The following CHI3L2 variants were observed in gnomAD, a reference collection of about 807,000 sequenced individuals.
CHI3L2 encodes chitinase 3 like 2, also known as chitinase-3-like protein 2.
A neutral mutation model predicts 47.3 loss-of-function variants in CHI3L2; 47 were observed. The observed-to-expected ratio is 0.99, with a 90% CI of 0.79 to 1.27. CHI3L2 has a LOEUF of 1.27. Among genes scored for constraint, CHI3L2 ranks in the 50% most tolerant of loss-of-function variants. The pLI is 0.00. For missense variants in CHI3L2, 497 were observed against 462.1 expected (o/e 1.08, Z -0.69); for synonymous variants, 198 against 169.9 (o/e 1.17, Z -1.28).
intron 1 of CHI3L2, 23 bp from the exon 2 acceptor site, chr1:111,229,827 TTC>T: frequency 6.2e-7 from 1 of 1,613,744 alleles, no homozygotes; most frequent in Non-Finnish European, 8.5e-7. Context: ...CTCAACAGAT[TTC>T]TCTTTCCACC....
At chr1:111,229,959 T>C in intron 2 of CHI3L2, 78 bp downstream of exon 2, 5 of 1,508,082 alleles carry the variant, frequency 3.3e-6, no homozygotes, top group Non-Finnish European at 4.6e-6. Context: ...TTTCTTTTTC[T>C]GCTACATGCT....
chr1:111,229,023 A>C (rs1162869860), intron 1 of CHI3L2, among the ~76,000 whole-genome samples: 1 of 152,196 alleles, frequency 6.6e-6, no homozygotes, highest in Non-Finnish European at 1.5e-5. Flanking sequence ...CTAAGAGTTA[A>C]TTGTTTATAC....
At chr1:111,232,241 T>C (rs181939295) in intron 4 of CHI3L2, among the ~76,000 whole-genome samples, 1 of 152,352 alleles carries the variant, frequency 6.6e-6, no homozygotes, top group African/African-American at 2.4e-5. Flanking sequence ...TCAATATGAA[T>C]GGGCTTCCAT....
chr1:111,232,041 G>A (rs538024863), intron 4 of CHI3L2, among the ~76,000 whole-genome samples: 3 of 152,180 alleles, frequency 2.0e-5, no homozygotes, highest in Non-Finnish European at 4.4e-5. Context: ...GGCTGAGAGA[G>A]TCTTGGAGTT....
chr1:111,231,136 GC>G, intron 3 of CHI3L2, 101 bp from the exon 4 acceptor site: 1 of 1,091,768 alleles, frequency 9.2e-7, no homozygotes, highest in South Asian at 1.3e-5. Flanking sequence ...AAACAGCCAG[GC>G]CCTAATTGTC....
At chr1:111,236,303 G>C (rs1163724921) in intron 7 of CHI3L2, 150 bp downstream of exon 7, 1 of 799,004 alleles carries the variant, frequency 1.3e-6, no homozygotes, top group Non-Finnish European at 1.9e-6. Flanking sequence ...GTGAGTGCAG[G>C]AGAAGTGCTT....
chr1:111,231,203 A>G, intron 3 of CHI3L2, 35 bp from the exon 4 acceptor site: 1 of 1,551,966 alleles, frequency 6.4e-7, no homozygotes, highest in South Asian at 1.1e-5. Flanking sequence ...CCTGGCAGCC[A>G]GAAAATAAAT....
At chr1:111,232,012 G>GC (rs1159588165) in intron 4 of CHI3L2, among the ~76,000 whole-genome samples, 1 of 152,178 alleles carries the variant, frequency 6.6e-6, no homozygotes, top group Admixed American at 6.5e-5. Flanking sequence ...ATCTTAAAAA[G>GC]TCCAGAGATC....
At chr1:111,235,115 T>C (rs895591715) in intron 5 of CHI3L2, 58 bp downstream of exon 5, 90 of 1,566,174 alleles carry the variant, frequency 5.7e-5, no homozygotes, top group Non-Finnish European at 7.4e-5. Flanking sequence ...CTCAGTACTC[T>C]GATATCCAGA....
intron 7 of CHI3L2, among the ~76,000 whole-genome samples, chr1:111,238,210 T>C (rs116265403): frequency 1.6e-3 from 246 of 152,348 alleles, no homozygotes; most frequent in African/African-American, 5.6e-3. Flanking sequence ...CTGACCACCT[T>C]GGGCACATGT....
rs547752251 is a variant in CHI3L2 at position 111,231,177 on chromosome 1, T to G, written c.273-61T>G. On this transcript the variant is annotated intron_variant, in intron 3 of 10. Coordinates refer to ENST00000369748, the MANE Select transcript of CHI3L2 (RefSeq NM_004000.3). The stretch of plus-strand genomic sequence containing the variant: ...TTCTCTACACTTAAGAACTCTGTTC[T>G]TTAGACAAAGGCTTCCCTGGCAGCC... 3.5e-6 allele frequency: 5 copies of G among 1,424,558 alleles called. No individual in the cohort carries two copies. The East Asian group carries it at 1.1e-4, about 32-fold the overall frequency. 88.2% of individuals were successfully genotyped at this position (1,424,558 alleles called of 1,614,324 possible).
chr1:111,230,232 G>GT (rs1297803636), intron 2 of CHI3L2, among the ~76,000 whole-genome samples: 1 of 151,510 alleles, frequency 6.6e-6, no homozygotes, highest in Non-Finnish European at 1.5e-5. Flanking sequence ...TATGTTGGTG[G>GT]TATCTCTGTC....
At chr1:111,236,847 CA>C (rs1292869110) in intron 7 of CHI3L2, among the ~76,000 whole-genome samples, 2 of 152,096 alleles carry the variant, frequency 1.3e-5, no homozygotes, top group Non-Finnish European at 2.9e-5. Flanking sequence ...ATTCAGGGAT[CA>C]GGGTTTTTAA....
At chr1:111,242,862 C>T (rs539112782) in intron 10 of CHI3L2, among the ~76,000 whole-genome samples, 109 of 152,334 alleles carry the variant, frequency 7.2e-4, no homozygotes, top group Admixed American at 1.2e-3. Context: ...ACCCAAGCCT[C>T]CCTATTACCT....
chr1:111,238,140 T>C (rs1020937053), intron 7 of CHI3L2, among the ~76,000 whole-genome samples: 44 of 152,226 alleles, frequency 2.9e-4, no homozygotes, highest in African/African-American at 1.1e-3. Context: ...CCAATGTACA[T>C]CTTACATGTA....
At chr1:111,238,125 G>A (rs1659936471) in intron 7 of CHI3L2, among the ~76,000 whole-genome samples, 1 of 152,186 alleles carries the variant, frequency 6.6e-6, no homozygotes, top group Non-Finnish European at 1.5e-5. Context: ...CGTTTCTGGA[G>A]TGAACCAATG....
At position 111,227,817 on chromosome 1, in the gene CHI3L2, G is replaced by A. The variant is rs1436898679; in HGVS notation, c.40+48G>A. On this transcript the variant is annotated intron_variant, in intron 1 of 10. Transcript: ENST00000369748. ...AGCAGGAAATTTGGTGAGGAAGGAA[G>A]AGGTAACAGGTCTGTAGAAGAAGTA... 3.3e-6 allele frequency: 5 copies of A among 1,536,990 alleles called. No homozygotes were observed. In the African/African-American group the frequency reaches 6.8e-5, roughly 21 times the overall value.
chr1:111,240,840 G>T (rs959937890), intron 8 of CHI3L2, among the ~76,000 whole-genome samples: 1 of 152,196 alleles, frequency 6.6e-6, no homozygotes, highest in Non-Finnish European at 1.5e-5. Flanking sequence ...GGAGTAATAA[G>T]ATTTAAGTGG....
rs1056743191 is a variant in CHI3L2, at chr1:111,235,022, C to T, written c.445C>T (p.Gln149Ter). The stretch of plus-strand genomic sequence containing the variant: ...GGATGTAAGCTGGATCTACCCAGAT[C>T]AGAAAGAAAACACTCATTTCACTGT... ...GLDVSWIYPD[Q>*]KENTHFTVLI... The change falls in exon 5 of 11, where the codon CAG becomes TAG. Residue 149 changes from glutamine to a stop codon, truncating the protein, a stop_gained. Coordinates refer to ENST00000369748, the MANE Select transcript of CHI3L2 (RefSeq NM_004000.3). LOFTEE classifies it high-confidence loss of function. 1 of 1,614,076 alleles carries T rather than the reference C, an allele frequency of 6.2e-7. No individual in the cohort carries two copies. The highest frequency in any genetic ancestry group is 8.5e-7 in the Non-Finnish European group (1 of 1,180,018).
Sources: allele counts gnomAD v4.1 joint callset (sites outside exome capture counted in the v4.1 genomes callset), GRCh38; gene constraint gnomAD v4.1.1; transcripts MANE v1.5; gene names NCBI Gene and HGNC (gene_info 2026-07-23, HGNC 2026-07-21).